The following SLC8A1 variants were observed in gnomAD, a reference collection of about 807,000 sequenced individuals.
The protein encoded by SLC8A1 is sodium/calcium exchanger 1.
A neutral mutation model predicts 68.3 loss-of-function variants in SLC8A1; 18 were observed. The observed-to-expected ratio is 0.26, with a 90% CI of 0.18 to 0.39. SLC8A1 has a LOEUF of 0.39. SLC8A1 is among the 10% of genes least tolerant of loss of function. SLC8A1 has a pLI of 1.00. For missense variants in SLC8A1, 985 were observed against 1,156.7 expected, an observed-to-expected ratio of 0.85 and a Z score of 2.15; for synonymous variants, 475 against 415.5, an observed-to-expected ratio of 1.14 and a Z score of -1.74.
At chr2:40,323,099 A>G (rs545164458) in intron 2 of SLC8A1, among the ~76,000 whole-genome samples, 3 of 152,164 alleles carry the variant, frequency 2.0e-5, no homozygotes, top group Non-Finnish European at 4.4e-5. Context: ...CATTTACAGA[A>G]ATATTCTTAT....
chr2:40,363,288 G>C (rs892473151), intron 2 of SLC8A1, among the ~76,000 whole-genome samples: 1 of 152,018 alleles, frequency 6.6e-6, no homozygotes, highest in Non-Finnish European at 1.5e-5. Flanking sequence ...ATAATAAAAA[G>C]TGCCTCCTCT....
chr2:40,256,231 T>C (rs115122409), intron 2 of SLC8A1, among the ~76,000 whole-genome samples: 1,565 of 152,264 alleles, frequency 0.01, 36 homozygotes, highest in African/African-American at 0.035. Flanking sequence ...AACACACTCT[T>C]AAGGACACAT....
At chr2:40,250,136 G>A (rs149416753) in intron 2 of SLC8A1, among the ~76,000 whole-genome samples, 26 of 152,204 alleles carry the variant, frequency 1.7e-4, no homozygotes, top group South Asian at 1.0e-3. Context: ...TAAATAAAAC[G>A]TGTTAGCAGA....
chr2:40,292,372 C>T (rs1363707075), intron 2 of SLC8A1, among the ~76,000 whole-genome samples: 1 of 152,094 alleles, frequency 6.6e-6, no homozygotes, highest in Non-Finnish European at 1.5e-5. Flanking sequence ...GAGGCGTGGA[C>T]AATGAAACTG....
At chr2:40,502,022 T>G (rs1445165070) in intron 1 of SLC8A1, among the ~76,000 whole-genome samples, 1 of 151,990 alleles carries the variant, frequency 6.6e-6, no homozygotes, top group Non-Finnish European at 1.5e-5. Flanking sequence ...TCACAAGAAT[T>G]TAAATCTCCC....
At chr2:40,334,457 C>G (rs1665289498) in intron 2 of SLC8A1, among the ~76,000 whole-genome samples, 2 of 152,148 alleles carry the variant, frequency 1.3e-5, no homozygotes, top group Non-Finnish European at 2.9e-5. Flanking sequence ...TTTTTGAAAT[C>G]ACACTAGAAA....
intron 2 of SLC8A1, among the ~76,000 whole-genome samples, chr2:40,297,972 T>C (rs1046355722): frequency 2.0e-5 from 3 of 152,120 alleles, no homozygotes; most frequent in Admixed American, 1.3e-4. Context: ...CTCCATCTCC[T>C]GCGTTCAAAC....
rs545486337 is a variant in SLC8A1 at position 40,333,102 on chromosome 2, G to GA, written c.1808+95370dup. 1.8e-3 allele frequency among the ~76,000 whole-genome samples: 271 copies of GA among 151,798 alleles called. 1 individual carries two copies. Among genetic ancestry groups the GA allele is most frequent in the African/African-American group, 5.7e-3 (235 of 41,424 alleles). ...TTGATTCAGCAGAATGGTAAATTAC[G>GA]AAAAAAAATCTCTTAACGAAAATAC... On this transcript the variant is annotated intron_variant, in intron 2 of 7. Transcript: ENST00000406785.
intron 7 of SLC8A1, among the ~76,000 whole-genome samples, chr2:40,136,237 A>G (rs1224557275): frequency 6.6e-6 from 1 of 152,174 alleles, no homozygotes; most frequent in African/African-American, 2.4e-5. Flanking sequence ...ACGGGTCTTC[A>G]AGCTCTTGCC....
chr2:40,135,697 G>A (rs910407977), intron 7 of SLC8A1, among the ~76,000 whole-genome samples: 8 of 152,088 alleles, frequency 5.3e-5, no homozygotes, highest in Admixed American at 2.6e-4. Context: ...CAGCCTGGGC[G>A]ACAGAGCGAG....
At chr2:40,278,253 G>C (rs1004020236) in intron 2 of SLC8A1, among the ~76,000 whole-genome samples, 2 of 152,056 alleles carry the variant, frequency 1.3e-5, no homozygotes, top group African/African-American at 4.8e-5. Context: ...TGTGGATCAT[G>C]AGGTCAAGAG....
At chr2:40,105,102 C>T (rs1187091515) in exon 8 of SLC8A1, 1 of 152,022 alleles carries the variant, frequency 6.6e-6, no homozygotes. Context: ...TTCTAATTCT[C>T]CAAGGAGAAT....
chr2:40,397,764 C>T (rs552109992), intron 2 of SLC8A1, among the ~76,000 whole-genome samples: 1 of 152,252 alleles, frequency 6.6e-6, no homozygotes, highest in East Asian at 1.9e-4. Flanking sequence ...AACAGAGATC[C>T]AGGTCAAAGA....
intron 2 of SLC8A1, among the ~76,000 whole-genome samples, chr2:40,310,458 A>G (rs2073463933): frequency 6.6e-6 from 1 of 152,212 alleles, no homozygotes; most frequent in Non-Finnish European, 1.5e-5. Flanking sequence ...AGAATCAATT[A>G]AGAGAGAAAG....
At chr2:40,220,760 G>T (rs1574261352) in intron 2 of SLC8A1, among the ~76,000 whole-genome samples, 1 of 151,780 alleles carries the variant, frequency 6.6e-6, no homozygotes, top group Non-Finnish European at 1.5e-5. Context: ...TCCTTTTCCT[G>T]ACAGGCTGCT....
chr2:40,263,526 C>G (rs929377683), intron 2 of SLC8A1, among the ~76,000 whole-genome samples: 5 of 152,020 alleles, frequency 3.3e-5, no homozygotes, highest in African/African-American at 1.2e-4. Flanking sequence ...TGGAACAGAA[C>G]AGAGCCCTCA....
rs964225682 is a variant in SLC8A1, at chr2:40,178,289, T to G, written c.1809-434A>C. On this transcript the variant is annotated intron_variant, in intron 2 of 7. Coordinates refer to ENST00000406785, the Ensembl canonical transcript of SLC8A1. Reference sequence around the variant, plus strand: ...GTGCCCTGTTACATAGGTGGAGGGATGTGTGCATTGTAAGTCATGTTCTGA... The same window carrying G: ...GTGCCCTGTTACATAGGTGGAGGGAGGTGTGCATTGTAAGTCATGTTCTGA... The G allele has an allele frequency of 8.5e-5, 74 of 871,304 alleles. No homozygotes were observed. The African/African-American group carries it at 1.1e-3, about 13-fold the overall frequency. The allele number at this position is 871,304 out of a possible 1,614,324, so 54.0% of individuals were successfully genotyped here.
intron 2 of SLC8A1, among the ~76,000 whole-genome samples, chr2:40,301,873 T>A (rs2071525123): frequency 6.6e-6 from 1 of 150,912 alleles, no homozygotes; most frequent in African/African-American, 2.4e-5. Context: ...GAACCCCAAT[T>A]TTTTTTTGAG....
At chr2:40,265,011 C>T (rs1427773380) in intron 2 of SLC8A1, among the ~76,000 whole-genome samples, 1 of 152,106 alleles carries the variant, frequency 6.6e-6, no homozygotes, top group Non-Finnish European at 1.5e-5. Context: ...TATTATGTTG[C>T]CATGACTTGC....
Sources: gnomAD v4.1 joint callset for allele counts (sites outside exome capture counted in the v4.1 genomes callset) on GRCh38, gnomAD v4.1.1 for gene constraint, MANE v1.5 for transcripts, NCBI Gene and HGNC (gene_info 2026-07-23, HGNC 2026-07-21) for gene names.